TCF3: variants seen among roughly 807,000 people sequenced by gnomAD.
The protein encoded by TCF3 is transcription factor 3.
Under a neutral mutation model 72.3 loss-of-function variants are expected in TCF3, and 54 were observed. The ratio of observed to expected loss-of-function variants is 0.75; its 90% CI spans 0.60 to 0.94. TCF3 has a LOEUF of 0.94. Ranked by LOEUF, TCF3 falls within the 40% of genes least tolerant of loss-of-function variation. The pLI, the probability that TCF3 is intolerant of heterozygous loss-of-function variation, is 0.00. For missense variants in TCF3, 1,078 were observed against 934.4 expected, an observed-to-expected ratio of 1.15 and a Z score of -2.00; for synonymous variants, 525 against 412.6, an observed-to-expected ratio of 1.27 and a Z score of -3.30.
intron 2 of TCF3, among the ~76,000 whole-genome samples, chr19:1,646,746 G>A (rs1319968337): frequency 6.6e-6 from 1 of 152,192 alleles, no homozygotes. Flanking sequence ...TGGGGGGAGG[G>A]GTATCCCATT....
chr19:1,622,560 A>G, intron 8 of TCF3, 145 bp from the exon 9 acceptor site: 1 of 517,280 alleles, frequency 1.9e-6, no homozygotes, highest in East Asian at 3.3e-5. Context: ...CTTTAGGTAA[A>G]TCCCAGCCCC....
At chr19:1,630,290 G>A (rs2063544611) in intron 5 of TCF3, among the ~76,000 whole-genome samples, 1 of 152,180 alleles carries the variant, frequency 6.6e-6, no homozygotes, top group African/African-American at 2.4e-5. Flanking sequence ...CCCGTAAGGG[G>A]AACGGGCAGA....
intron 5 of TCF3, among the ~76,000 whole-genome samples, chr19:1,629,847 C>T (rs960584073): frequency 6.6e-6 from 1 of 152,186 alleles, no homozygotes; most frequent in Non-Finnish European, 1.5e-5. Context: ...GGAACAAATG[C>T]TGCTGTTTTT....
At position 1,645,549 on chromosome 19, in the gene TCF3, C is replaced by T. The variant is rs372846936; in HGVS notation, c.145+806G>A. ...TCTCTCTGCCTGGCAAATTCCTCCC[C>T]TCATGCTCCCACGGCCCCTTCCTCT... On this transcript the variant is annotated intron_variant, in intron 3 of 18. Transcript: ENST00000262965. Among the ~76,000 whole-genome samples, 564 of 152,368 alleles carry T rather than the reference C, an allele frequency of 3.7e-3. 3 individuals carry two copies. The highest frequency in any genetic ancestry group is 0.013 in the African/African-American group (529 of 41,594).
chr19:1,634,632 T>A (rs561535592), intron 3 of TCF3, among the ~76,000 whole-genome samples: 28 of 152,298 alleles, frequency 1.8e-4, no homozygotes, highest in Non-Finnish European at 1.3e-4. Flanking sequence ...CCGGTCCCTG[T>A]TGGGTCCCCT....
At chr19:1,640,995 A>G (rs1485913078) in intron 3 of TCF3, among the ~76,000 whole-genome samples, 1 of 152,014 alleles carries the variant, frequency 6.6e-6, no homozygotes, top group Admixed American at 6.6e-5. Context: ...CTAAAACTAC[A>G]AAAAATTAGC....
rs375989019 is a variant in TCF3, at chr19:1,614,109, G to T, written c.1822+1176C>A. On this transcript the variant is annotated intron_variant, in intron 18 of 18. Transcript: ENST00000262965. The surrounding 1 kb of genome is among the most constrained non-coding windows in gnomAD (Gnocchi z 5.6). ...CCCCATCAGGGCACCCACTGCTCTA[G>T]GTTGTGGTGAAGATGAAATGGGTGA... is the stretch of plus-strand genomic sequence containing the variant. Among the ~76,000 whole-genome samples the T allele has an allele frequency of 6.6e-6, 1 of 152,258 alleles. No individual in the cohort carries two copies. The highest frequency in any genetic ancestry group is 2.4e-5 in the African/African-American group (1 of 41,460).
intron 18 of TCF3, chr19:1,612,075 T>C (rs1367094908): frequency 2.1e-6 from 2 of 954,156 alleles, no homozygotes; most frequent in Non-Finnish European, 1.5e-6. Context: ...GGAACATCAC[T>C]GGGTCTGAGT....
chr19:1,631,245 G>T (rs148393427), intron 5 of TCF3, among the ~76,000 whole-genome samples: 1 of 151,024 alleles, frequency 6.6e-6, no homozygotes, highest in Non-Finnish European at 1.5e-5. Flanking sequence ...GGTGGGGTGG[G>T]ACCAGACACC....
intron 8 of TCF3, among the ~76,000 whole-genome samples, chr19:1,623,382 CTTTT>C (rs371876498): frequency 1.5e-4 from 20 of 129,860 alleles, no homozygotes; most frequent in African/African-American, 3.7e-4. Context: ...GCACCCCCCG[CTTTT>C]TTTTTTTTTT....
intron 13 of TCF3, 109 bp from the exon 14 acceptor site, chr19:1,619,962 A>T: frequency 3.0e-6 from 3 of 995,122 alleles, no homozygotes; most frequent in Non-Finnish European, 4.5e-6. Flanking sequence ...GCCTCCGGTG[A>T]TGCCCAAGAT....
intron 2 of TCF3, among the ~76,000 whole-genome samples, chr19:1,649,947 G>A (rs1253196380): frequency 1.3e-5 from 2 of 152,252 alleles, no homozygotes; most frequent in Non-Finnish European, 2.9e-5. Flanking sequence ...CTGTAAAGCA[G>A]TAGGCTGTAG....
chr19:1,641,389 A>G (rs8107536), intron 3 of TCF3, among the ~76,000 whole-genome samples: 1 of 152,146 alleles, frequency 6.6e-6, no homozygotes, highest in African/African-American at 2.4e-5. Context: ...GGCTGAGGTA[A>G]GAGGATCACT....
At position 1,610,671 on chromosome 19, in the gene TCF3, G is replaced by A; in HGVS notation, c.*1036C>T. 4.3e-6 allele frequency: 1 copy of A among 230,860 alleles called. No homozygotes were observed. The highest frequency in any genetic ancestry group is 8.6e-6 in the Non-Finnish European group (1 of 116,562). 14.3% of individuals were successfully genotyped at this position (230,860 alleles called of 1,614,324 possible). A position where few individuals can be genotyped will look rare whatever the true frequency, so the allele number is the denominator to read the frequency against. ...GGGGCCTGGGGAGGGCGTTGTGTAG[G>A]GTAGCCCTGGGGGCCACAGCTGCTT... On this transcript the variant is annotated 3_prime_UTR_variant, in exon 19 of 19. Coordinates refer to ENST00000262965, the MANE Select transcript of TCF3 (RefSeq NM_003200.5).
At chr19:1,643,807 T>C (rs1447313858) in intron 3 of TCF3, among the ~76,000 whole-genome samples, 1 of 152,274 alleles carries the variant, frequency 6.6e-6, no homozygotes, top group African/African-American at 2.4e-5. Context: ...CCTGGGTTTC[T>C]GGTTCTCAAA....
chr19:1,634,231 T>A (rs2064095019), intron 3 of TCF3, among the ~76,000 whole-genome samples: 1 of 152,254 alleles, frequency 6.6e-6, no homozygotes. Context: ...CACCGATTAA[T>A]GATGCATTTT....
intron 13 of TCF3, among the ~76,000 whole-genome samples, chr19:1,620,489 C>A (rs541133872): frequency 6.6e-6 from 1 of 152,340 alleles, no homozygotes; most frequent in Non-Finnish European, 1.5e-5. Context: ...TGGCAACACG[C>A]ACACATTCTA....
chr19:1,645,729 T>C (rs556199297), intron 3 of TCF3, among the ~76,000 whole-genome samples: 1 of 152,160 alleles, frequency 6.6e-6, no homozygotes. Flanking sequence ...ACGTCTCCCC[T>C]ATCTGTCCCG....
At chr19:1,651,162 C>T (rs890079702) in intron 1 of TCF3, 15 of 231,604 alleles carry the variant, frequency 6.5e-5, no homozygotes, top group African/African-American at 3.1e-4. Flanking sequence ...ACCCATTCCA[C>T]CCCCAGAAAA....
Sources: gnomAD v4.1 joint callset for allele counts (sites outside exome capture counted in the v4.1 genomes callset) on GRCh38, gnomAD v4.1.1 for gene constraint, Gnocchi (gnomAD v3.1) non-coding constraint, MANE v1.5 for transcripts, NCBI Gene and HGNC (gene_info 2026-07-23, HGNC 2026-07-21) for gene names.